The following AFAP1L2 variants were observed in gnomAD, a reference collection of about 807,000 sequenced individuals.
AFAP1L2 encodes the protein actin filament-associated protein 1-like 2.
A neutral mutation model predicts 99.3 loss-of-function variants in AFAP1L2; 46 were observed. That is an observed-to-expected ratio of 0.46 (90% CI 0.37 to 0.59). The LOEUF is 0.59. Among genes scored for constraint, AFAP1L2 ranks in the 20% least tolerant of loss-of-function variants. AFAP1L2 has a pLI of 0.00. For synonymous variants in AFAP1L2, 397 were observed against 419.1 expected (o/e 0.95, Z 0.64); for missense variants, 959 against 1,034.9 (o/e 0.93, Z 1.01).
At chr10:114,340,332 T>C (rs1774910257) in intron 2 of AFAP1L2, among the ~76,000 whole-genome samples, 1 of 151,606 alleles carries the variant, frequency 6.6e-6, no homozygotes, top group South Asian at 2.1e-4. Context: ...AAAAGTTAAT[T>C]AAAAGAAGAG....
chr10:114,292,079 C>A (rs145818182), downstream of AFAP1L2, among the ~76,000 whole-genome samples: 524 of 152,234 alleles, frequency 3.4e-3, 3 homozygotes, highest in African/African-American at 0.012. Context: ...GAGTTTGAGA[C>A]CAGCCTGGCC....
intron 1 of AFAP1L2, among the ~76,000 whole-genome samples, chr10:114,390,384 C>G (rs1290957969): frequency 6.6e-6 from 1 of 152,146 alleles, no homozygotes; most frequent in Non-Finnish European, 1.5e-5. Flanking sequence ...GCAGACATCT[C>G]TTTGGGAATT....
chr10:114,349,482 T>C (rs12268808), intron 1 of AFAP1L2, among the ~76,000 whole-genome samples: 7,490 of 144,944 alleles, frequency 0.052, 389 homozygotes, highest in African/African-American at 0.13. Context: ...CCAGCTACCC[T>C]GGAGGTGGGA....
chr10:114,349,899 T>C (rs4751933), intron 1 of AFAP1L2, among the ~76,000 whole-genome samples: 84,812 of 152,028 alleles, frequency 0.56, 26,816 homozygotes, highest in East Asian at 0.89. Context: ...GCCATCATTT[T>C]TGCAAGATCT....
chr10:114,369,804 GTA>G (rs2053859956), intron 1 of AFAP1L2, among the ~76,000 whole-genome samples: 1 of 152,068 alleles, frequency 6.6e-6, no homozygotes, highest in South Asian at 2.1e-4. Context: ...ACTGCAATAT[GTA>G]TAAATACTTC....
Position 114,398,979 on chromosome 10 carries a change from G to C in AFAP1L2, c.16+5461C>G, listed in dbSNP as rs875447. 780 of 1,213,894 alleles carry C rather than the reference G, an allele frequency of 6.4e-4. 12 individuals carry two copies. In the Admixed American group the frequency reaches 0.016, roughly 25 times the overall value. 75.2% of individuals were successfully genotyped at this position (1,213,894 alleles called of 1,614,324 possible). On this transcript the variant is annotated intron_variant, in intron 1 of 18. Coordinates refer to ENST00000304129, the MANE Select transcript of AFAP1L2 (RefSeq NM_001001936.3). ...CTGTGGGCTTTCATCTCCATTTCTG[G>C]AATCTGCCTTTGAGATTTTGCTTCA...
chr10:114,395,011 A>T (rs1386276509), intron 1 of AFAP1L2, among the ~76,000 whole-genome samples: 1 of 152,156 alleles, frequency 6.6e-6, no homozygotes, highest in Non-Finnish European at 1.5e-5. Context: ...CATCAACGGT[A>T]GGGACCCCAT....
chr10:114,385,435 G>T (rs2056374167), intron 1 of AFAP1L2, among the ~76,000 whole-genome samples: 1 of 152,168 alleles, frequency 6.6e-6, no homozygotes, highest in Admixed American at 6.5e-5. Context: ...GCAGGTCAGG[G>T]TCGAAGCCAT....
In AFAP1L2 at chr10:114,340,860, G is replaced by A. The variant is rs760377707; in HGVS notation, c.17-129C>T. 5.6e-5 allele frequency: 77 copies of A among 1,365,556 alleles called. No individual in the cohort carries two copies. In the South Asian group the frequency reaches 8.8e-4, roughly 16 times the overall value. 84.6% of individuals were successfully genotyped at this position (1,365,556 alleles called of 1,614,324 possible). A position where few individuals can be genotyped will look rare whatever the true frequency, so the allele number is the denominator to read the frequency against. On this transcript the variant is annotated intron_variant, in intron 1 of 18. Transcript: ENST00000304129. ...TCCCAAGAGGAAGGGTTTGGTGTGA[G>A]GTCTGGCAGCGTATGGGGGGACTGG...
intron 16 of AFAP1L2, 37 bp downstream of exon 16, chr10:114,299,223 T>C (rs367930131): frequency 1.4e-4 from 218 of 1,611,852 alleles, no homozygotes; most frequent in Non-Finnish European, 1.7e-4. Flanking sequence ...CACGGCCCTC[T>C]GAGCTGAGGG....
the AFAP1L2 span, among the ~76,000 whole-genome samples, chr10:114,283,457 G>A: frequency 2.6e-5 from 4 of 152,204 alleles, no homozygotes; most frequent in African/African-American, 9.7e-5. Context: ...ATGTTCACAA[G>A]GTTTACAGTT....
intron 1 of AFAP1L2, among the ~76,000 whole-genome samples, chr10:114,356,709 C>T (rs1358420168): frequency 6.6e-6 from 1 of 152,184 alleles, no homozygotes; most frequent in Non-Finnish European, 1.5e-5. Flanking sequence ...ACAGAAAACC[C>T]AAATTTCCTA....
downstream of AFAP1L2, among the ~76,000 whole-genome samples, chr10:114,293,138 A>G (rs970503249): frequency 1.3e-5 from 2 of 152,242 alleles, no homozygotes; most frequent in Admixed American, 6.5e-5. Context: ...TTTAGATATT[A>G]AAAAGTCTGG....
At chr10:114,302,544 C>G (rs1455959350) in intron 11 of AFAP1L2, 60 bp from the exon 12 acceptor site, 2 of 1,602,922 alleles carry the variant, frequency 1.2e-6, no homozygotes, top group Admixed American at 1.7e-5. Flanking sequence ...GTGCCAGCCC[C>G]TCCCCACCAG....
chr10:114,301,459 C>T lies in AFAP1L2; in HGVS notation c.1437G>A (p.Met479Ile), dbSNP rs2041176344. The T allele has an allele frequency of 2.5e-6, 4 of 1,612,652 alleles. No homozygotes were observed. The South Asian group carries it at 3.3e-5, about 13-fold the overall frequency. The change falls in exon 13 of 19, where the codon ATG (methionine) becomes ATA (isoleucine). Residue 479 changes from methionine to isoleucine, a missense_variant. Met to Ile is a conservative substitution (Grantham distance 10). Around this residue, in one of 2 missense-constraint regions of AFAP1L2, gnomAD observed 576 missense variants for 562.1 expected, o/e 1.02. Transcript: ENST00000304129. ...VSAAKNSLLL[M>I]QRKFSEPNTY... ...TGTTGGGCTCTGAGAACTTTCTCTG[C>T]ATCAGTCTGGAAACAGGGCGAGGTG...
chr10:114,340,789 C>T, intron 1 of AFAP1L2, 58 bp from the exon 2 acceptor site: 1 of 1,611,972 alleles, frequency 6.2e-7, no homozygotes, highest in African/African-American at 1.3e-5. Context: ...AAGCCCAGCT[C>T]AGATACACCT....
In AFAP1L2 at chr10:114,295,305, G is replaced by A. The variant is rs189658363; in HGVS notation, c.*737C>T. 1.5e-4 allele frequency: 146 copies of A among 985,000 alleles called. 1 individual carries two copies. Among genetic ancestry groups the A allele is most frequent in the African/African-American group, 1.2e-3 (70 of 57,296 alleles). 61.0% of individuals were successfully genotyped at this position (985,000 alleles called of 1,614,324 possible). A position where few individuals can be genotyped will look rare whatever the true frequency, so the allele number is the denominator to read the frequency against. The stretch of plus-strand genomic sequence containing the variant: ...ATACTTTTCACTGTTCTAAATGACA[G>A]GATTTTAAGCATTTTTTCCTATATA... On this transcript the variant is annotated 3_prime_UTR_variant, in exon 19 of 19. Transcript: ENST00000304129.
chr10:114,296,018 G>C lies in AFAP1L2; in HGVS notation c.*24C>G, dbSNP rs374370362. The C allele has an allele frequency of 7.2e-5, 116 of 1,614,086 alleles. No individual in the cohort carries two copies. The South Asian group carries it at 8.0e-4, about 11-fold the overall frequency. ...GTCACCAAGGTCCACATTGACATGAGAGTCTTTAGATGAAGCTTGTTTTCT... is the reference window on the plus strand; with the variant it reads ...GTCACCAAGGTCCACATTGACATGACAGTCTTTAGATGAAGCTTGTTTTCT... On this transcript the variant is annotated 3_prime_UTR_variant, in exon 19 of 19. Coordinates refer to ENST00000304129, the MANE Select transcript of AFAP1L2 (RefSeq NM_001001936.3).
chr10:114,297,657 C>A (rs991488765), intron 16 of AFAP1L2, among the ~76,000 whole-genome samples: 1 of 152,232 alleles, frequency 6.6e-6, no homozygotes, highest in African/African-American at 2.4e-5. Flanking sequence ...GGGCATGAGT[C>A]TGAGGCCTTA....
Sources: allele counts gnomAD v4.1 joint callset (sites outside exome capture counted in the v4.1 genomes callset), GRCh38; gene constraint gnomAD v4.1.1; regional missense constraint gnomAD v4.1.1; transcripts MANE v1.5; gene names NCBI Gene and HGNC (gene_info 2026-07-23, HGNC 2026-07-21).